Variants in COL8A1 observed in about 807,000 individuals in gnomAD.
COL8A1 encodes collagen type VIII alpha 1 chain.
In COL8A1, 21 loss-of-function variants were observed where a neutral mutation model predicts 42.7. The observed-to-expected ratio is 0.49, with a 90% CI of 0.35 to 0.71. The LOEUF (loss-of-function observed/expected upper bound fraction) is 0.71. COL8A1 is among the 30% of genes least tolerant of loss of function. The pLI is 0.01. For missense variants in COL8A1, 788 were observed against 962.4 expected, an observed-to-expected ratio of 0.82 and a Z score of 2.40; for synonymous variants, 367 against 369.1, an observed-to-expected ratio of 0.99 and a Z score of 0.06.
At chr3:99,778,304 C>T (rs793490) in intron 2 of COL8A1, among the ~76,000 whole-genome samples, 110,675 of 152,048 alleles carry the variant, frequency 0.73, 40,767 homozygotes, top group African/African-American at 0.86. Context: ...AAAAGTAACA[C>T]TGGGGTCACT....
At chr3:99,779,645 C>T (rs1179275865) in intron 2 of COL8A1, among the ~76,000 whole-genome samples, 1 of 152,198 alleles carries the variant, frequency 6.6e-6, no homozygotes, top group African/African-American at 2.4e-5. Flanking sequence ...AGACGCGCCG[C>T]ACTGAAGTGG....
chr3:99,697,296 A>G (rs935828122), intron 1 of COL8A1, among the ~76,000 whole-genome samples: 9 of 152,188 alleles, frequency 5.9e-5, no homozygotes, highest in African/African-American at 2.2e-4. Flanking sequence ...CAAAATTTAA[A>G]ATAACACAAA....
intron 1 of COL8A1, among the ~76,000 whole-genome samples, chr3:99,736,987 T>A (rs1294749953): frequency 6.6e-6 from 1 of 152,210 alleles, no homozygotes; most frequent in African/African-American, 2.4e-5. Context: ...CATTATGTAA[T>A]GGCCTTCTTT....
At chr3:99,650,559 C>T (rs1006269353) in intron 1 of COL8A1, among the ~76,000 whole-genome samples, 3 of 151,976 alleles carry the variant, frequency 2.0e-5, no homozygotes, top group East Asian at 1.9e-4. Flanking sequence ...CTCAGCCTCC[C>T]GAGTAGCTGG....
Position 99,794,925 on chromosome 3 carries a change from C to CCAGGACCCCCTGGA in COL8A1, c.1034_1035insTGGACAGGACCCCC (p.Leu347GlnfsTer39). The CCAGGACCCCCTGGA allele has an allele frequency of 2.5e-6, 4 of 1,596,260 alleles. No individual in the cohort carries two copies. The highest frequency in any genetic ancestry group is 3.4e-6 in the Non-Finnish European group (4 of 1,171,810). On this transcript the variant is annotated frameshift_variant, in exon 4 of 4. Transcript: ENST00000652472. LOFTEE classifies it high-confidence loss of function. This position sits in a 1 kb window ranked among gnomAD's most constrained non-coding sequence, Gnocchi z 4.3. ...AGGGGAGCAAGGACTGCCAGGGCTA[C>CCAGGACCCCCTGGA]CAGGACCCCCAGGCCTTCCAGGGAT...
At chr3:99,730,909 T>C (rs927320272) in intron 1 of COL8A1, among the ~76,000 whole-genome samples, 1 of 152,146 alleles carries the variant, frequency 6.6e-6, no homozygotes, top group African/African-American at 2.4e-5. Context: ...AAAATGCCCA[T>C]ATAGTTTACA....
intron 2 of COL8A1, among the ~76,000 whole-genome samples, chr3:99,750,309 A>C (rs955037281): frequency 2.0e-5 from 3 of 151,988 alleles, no homozygotes; most frequent in South Asian, 2.1e-4. Context: ...CGCCCACCTC[A>C]GCCTCCCAAA....
At chr3:99,723,824 T>C (rs1044891906) in intron 1 of COL8A1, among the ~76,000 whole-genome samples, 17 of 152,170 alleles carry the variant, frequency 1.1e-4, no homozygotes, top group African/African-American at 4.1e-4. Flanking sequence ...CCATCAGCCC[T>C]CTTCTTCCTT....
intron 1 of COL8A1, among the ~76,000 whole-genome samples, chr3:99,718,281 AG>A (rs1940057198): frequency 6.6e-6 from 1 of 152,020 alleles, no homozygotes; most frequent in African/African-American, 2.4e-5. Context: ...ACCATGGCTT[AG>A]GCTTACCAAA....
chr3:99,761,687 GT>G (rs1576466723), intron 2 of COL8A1, among the ~76,000 whole-genome samples: 2 of 152,046 alleles, frequency 1.3e-5, no homozygotes, highest in Admixed American at 6.6e-5. Context: ...CAAAAATGGA[GT>G]CCTTCCCTCT....
intron 1 of COL8A1, among the ~76,000 whole-genome samples, chr3:99,688,394 G>T (rs1286189746): frequency 1.3e-5 from 2 of 152,192 alleles, no homozygotes; most frequent in African/African-American, 2.4e-5. Flanking sequence ...TTATCTTGTG[G>T]ACTCTTCTTC....
At chr3:99,641,799 T>C (rs1168346554) in intron 1 of COL8A1, among the ~76,000 whole-genome samples, 2 of 152,188 alleles carry the variant, frequency 1.3e-5, no homozygotes, top group East Asian at 1.9e-4. Flanking sequence ...TAAACATACA[T>C]GTACATAAGT....
intron 1 of COL8A1, among the ~76,000 whole-genome samples, chr3:99,657,999 C>T (rs1303411553): frequency 6.6e-6 from 1 of 151,862 alleles, no homozygotes; most frequent in Admixed American, 6.6e-5. Context: ...TGATGGCATG[C>T]TCTTGTAATC....
At position 99,642,583 on chromosome 3, in the gene COL8A1, C is replaced by T. The variant is rs150047575; in HGVS notation, c.-129+3919C>T. ...TTCGGTGTCCTCTATTTATTTGGGG[C>T]TCACTTCCATCGTCCCTCCTGGACA... is the stretch of plus-strand genomic sequence containing the variant. On this transcript the variant is annotated intron_variant, in intron 1 of 3. Coordinates refer to ENST00000652472, the MANE Select transcript of COL8A1 (RefSeq NM_020351.4). Among the ~76,000 whole-genome samples the T allele has an allele frequency of 3.9e-5, 6 of 152,316 alleles. No homozygotes were observed. In the East Asian group the frequency reaches 9.6e-4, roughly 24 times the overall value.
chr3:99,792,231 C>T (rs924392943), intron 3 of COL8A1, among the ~76,000 whole-genome samples: 2 of 152,194 alleles, frequency 1.3e-5, no homozygotes, highest in Non-Finnish European at 2.9e-5. Flanking sequence ...CATTTCTTTT[C>T]CTTCCTTTAT....
At position 99,647,605 on chromosome 3, in the gene COL8A1, C is replaced by T. The variant is rs148263944; in HGVS notation, c.-129+8941C>T. On this transcript the variant is annotated intron_variant, in intron 1 of 3. Transcript: ENST00000652472. ...TCTCTGGATACTGTATAGAGAGAAG[C>T]GGCCAACAATGAGCAATAAGTTCAA... Among the ~76,000 whole-genome samples, 1,350 of 152,204 alleles carry T rather than the reference C, an allele frequency of 8.9e-3. 23 individuals are homozygous for T. Among genetic ancestry groups the T allele is most frequent in the African/African-American group, 0.031 (1,267 of 41,514 alleles).
chr3:99,661,991 G>T (rs969330144), intron 1 of COL8A1, among the ~76,000 whole-genome samples: 3 of 152,162 alleles, frequency 2.0e-5, no homozygotes, highest in African/African-American at 7.2e-5. Flanking sequence ...TTTTAAATGG[G>T]CATAGAGTTT....
chr3:99,779,404 G>T (rs1238154275), intron 2 of COL8A1, among the ~76,000 whole-genome samples: 1 of 152,192 alleles, frequency 6.6e-6, no homozygotes, highest in African/African-American at 2.4e-5. Flanking sequence ...ATTACTTGTG[G>T]ATTTTACTTC....
chr3:99,665,673 CTTTT>C (rs67004417), intron 1 of COL8A1, among the ~76,000 whole-genome samples: 17 of 70,242 alleles, frequency 2.4e-4, no homozygotes, highest in African/African-American at 9.2e-4. Flanking sequence ...TGAATTAATT[CTTTT>C]TTTTTTTTTT....
Sources: gnomAD v4.1 joint callset for allele counts (sites outside exome capture counted in the v4.1 genomes callset) on GRCh38, gnomAD v4.1.1 for gene constraint, Gnocchi (gnomAD v3.1) non-coding constraint, MANE v1.5 for transcripts, NCBI Gene and HGNC (gene_info 2026-07-23, HGNC 2026-07-21) for gene names.